Variants in SLC24A3 observed in about 807,000 individuals in gnomAD.
SLC24A3 encodes solute carrier family 24 member 3.
A neutral mutation model predicts 75.8 loss-of-function variants in SLC24A3; 28 were observed. The observed-to-expected ratio is 0.37, with a 90% CI of 0.27 to 0.51. SLC24A3 has a LOEUF of 0.51. Among genes scored for constraint, SLC24A3 ranks in the 20% least tolerant of loss-of-function variants. The pLI is 0.94. For synonymous variants in SLC24A3, 372 were observed against 334.1 expected, an observed-to-expected ratio of 1.11 and a Z score of -1.24; for missense variants, 663 against 847.8, an observed-to-expected ratio of 0.78 and a Z score of 2.71.
chr20:19,600,779 CT>C (rs1568668951), intron 6 of SLC24A3, among the ~76,000 whole-genome samples: 1 of 152,202 alleles, frequency 6.6e-6, no homozygotes, highest in Non-Finnish European at 1.5e-5. Flanking sequence ...CCACCTCAGC[CT>C]CCTGAGTAGC....
chr20:19,352,413 C>T (rs1340444207), intron 2 of SLC24A3, among the ~76,000 whole-genome samples: 2 of 152,194 alleles, frequency 1.3e-5, no homozygotes, highest in African/African-American at 4.8e-5. Flanking sequence ...CCCAAGCCTT[C>T]TTGGCTCACG....
chr20:19,430,520 G>A (rs1467689714), intron 2 of SLC24A3, among the ~76,000 whole-genome samples: 3 of 152,162 alleles, frequency 2.0e-5, no homozygotes, highest in African/African-American at 7.2e-5. Context: ...TTATTTATGT[G>A]GAATTTAAAA....
At chr20:19,317,592 A>G (rs1445623753) in intron 2 of SLC24A3, among the ~76,000 whole-genome samples, 1 of 152,070 alleles carries the variant, frequency 6.6e-6, no homozygotes, top group Non-Finnish European at 1.5e-5. Flanking sequence ...ACAGCTTCCC[A>G]TCCCCCGCCC....
At chr20:19,643,563 T>C (rs1429215861) in intron 6 of SLC24A3, among the ~76,000 whole-genome samples, 1 of 152,238 alleles carries the variant, frequency 6.6e-6, no homozygotes, top group Admixed American at 6.5e-5. Context: ...ATTCTATTAC[T>C]GGCTCTCCTA....
Position 19,704,189 on chromosome 20 carries a change from A to AGATGGATGGATGGATGGAGAGATG in SLC24A3, c.1719+5524_1719+5525insGGAGAGATGGATGGATGGATGGAT, listed in dbSNP as rs111948547. On this transcript the variant is annotated intron_variant, in intron 15 of 16. Coordinates refer to ENST00000328041, the MANE Select transcript of SLC24A3 (RefSeq NM_020689.4). ...TGGAGAGATGGATGGATGGATGGAG[A>AGATGGATGGATGGATGGAGAGATG]GATGGATGGATGGATAGATGGATGG... 6.0e-5 allele frequency among the ~76,000 whole-genome samples: 9 copies of AGATGGATGGATGGATGGAGAGATG among 151,142 alleles called. No individual in the cohort carries two copies. In the East Asian group the frequency reaches 1.2e-3, roughly 20 times the overall value.
chr20:19,456,242 A>G (rs1341047038), intron 2 of SLC24A3, among the ~76,000 whole-genome samples: 1 of 152,230 alleles, frequency 6.6e-6, no homozygotes, highest in African/African-American at 2.4e-5. Flanking sequence ...ACATACAACC[A>G]GATATGGTTT....
intron 2 of SLC24A3, among the ~76,000 whole-genome samples, chr20:19,391,694 G>C (rs1469244995): frequency 6.6e-6 from 1 of 152,194 alleles, no homozygotes; most frequent in African/African-American, 2.4e-5. Flanking sequence ...TATGCTGCCA[G>C]AGGGAGCATA....
intron 2 of SLC24A3, among the ~76,000 whole-genome samples, chr20:19,497,583 C>G (rs113478412): frequency 0.015 from 2,085 of 138,848 alleles, 20 homozygotes; most frequent in Middle Eastern, 0.038. Context: ...CATTTTTTCC[C>G]CTTTGAGCCT....
At chr20:19,638,213 C>A (rs2032025095) in intron 6 of SLC24A3, among the ~76,000 whole-genome samples, 1 of 150,542 alleles carries the variant, frequency 6.6e-6, no homozygotes, top group Non-Finnish European at 1.5e-5. Flanking sequence ...AGGATGATGG[C>A]TCATTTTTCA....
At chr20:19,670,512 TAGAA>T (rs1472793283) in intron 8 of SLC24A3, among the ~76,000 whole-genome samples, 9 of 152,358 alleles carry the variant, frequency 5.9e-5, no homozygotes, top group Non-Finnish European at 1.3e-4. Context: ...CTAAAAGAAT[TAGAA>T]AGAGCATACA....
chr20:19,399,383 A>G (rs1179769850), intron 2 of SLC24A3, among the ~76,000 whole-genome samples: 2 of 152,104 alleles, frequency 1.3e-5, no homozygotes, highest in African/African-American at 2.4e-5. Flanking sequence ...TTCAATATAG[A>G]TAAGTTCTAT....
chr20:19,557,763 G>T (rs2030813026), intron 3 of SLC24A3, among the ~76,000 whole-genome samples: 1 of 152,120 alleles, frequency 6.6e-6, no homozygotes. Context: ...TGACAAATCT[G>T]TTCTAACAGT....
chr20:19,625,313 G>T (rs1568676942), intron 6 of SLC24A3, among the ~76,000 whole-genome samples: 1 of 151,978 alleles, frequency 6.6e-6, no homozygotes, highest in Non-Finnish European at 1.5e-5. Context: ...ACATTATAAG[G>T]CTTGGTCCCC....
At chr20:19,650,121 G>A (rs6046226) in intron 6 of SLC24A3, among the ~76,000 whole-genome samples, 55,073 of 151,880 alleles carry the variant, frequency 0.36, 13,024 homozygotes, top group African/African-American at 0.68. Context: ...AGTGTGGAAA[G>A]AATTCTTTGG....
At chr20:19,677,750 A>G (rs951715076) in intron 9 of SLC24A3, among the ~76,000 whole-genome samples, 2 of 135,734 alleles carry the variant, frequency 1.5e-5, no homozygotes, top group African/African-American at 5.6e-5. Context: ...GGTGTTTCTC[A>G]CAGAGGGGGA....
chr20:19,385,380 A>G lies in SLC24A3; in HGVS notation c.271+104293A>G, dbSNP rs144140079. On this transcript the variant is annotated intron_variant, in intron 2 of 16. Coordinates refer to ENST00000328041, the MANE Select transcript of SLC24A3 (RefSeq NM_020689.4). ...TTATTAAGCATGTTTCCCTAATGCC[A>G]TTTATTGAAGAGACTGTTCTTTCCC... Among the ~76,000 whole-genome samples, 4 of 152,314 alleles carry G rather than the reference A, an allele frequency of 2.6e-5. No homozygotes were observed. The East Asian group carries it at 7.7e-4, about 29-fold the overall frequency.
At chr20:19,306,450 T>C (rs899407034) in intron 2 of SLC24A3, among the ~76,000 whole-genome samples, 7 of 152,180 alleles carry the variant, frequency 4.6e-5, no homozygotes, top group Non-Finnish European at 1.0e-4. Flanking sequence ...GAAATCAACC[T>C]AGGTGTCCAT....
chr20:19,276,284 G>T (rs1568575737), intron 1 of SLC24A3, among the ~76,000 whole-genome samples: 1 of 152,198 alleles, frequency 6.6e-6, no homozygotes. Flanking sequence ...TGCACGCAGT[G>T]GGACTTTAGA....
chr20:19,335,908 G>A (rs887410429), intron 2 of SLC24A3, among the ~76,000 whole-genome samples: 32 of 152,300 alleles, frequency 2.1e-4, no homozygotes, highest in African/African-American at 7.7e-4. Context: ...TTTTGCCCAA[G>A]ACAGACATTG....
Sources: gnomAD v4.1 joint callset for allele counts (sites outside exome capture counted in the v4.1 genomes callset) on GRCh38, gnomAD v4.1.1 for gene constraint, MANE v1.5 for transcripts, NCBI Gene and HGNC (gene_info 2026-07-23, HGNC 2026-07-21) for gene names.